Variants in GALNTL6 observed in about 807,000 individuals in gnomAD.
GALNTL6 encodes polypeptide N-acetylgalactosaminyltransferase-like 6.
In GALNTL6, 46 loss-of-function variants were observed where a neutral mutation model predicts 73.7. That is an observed-to-expected ratio of 0.62 (90% CI 0.49 to 0.80). The LOEUF (loss-of-function observed/expected upper bound fraction) is 0.80. Among genes scored for constraint, GALNTL6 ranks in the 30% least tolerant of loss-of-function variants. GALNTL6 has a pLI of 0.00. For missense variants in GALNTL6, 604 were observed against 755.0 expected, an observed-to-expected ratio of 0.80 and a Z score of 2.34; for synonymous variants, 259 against 263.7, an observed-to-expected ratio of 0.98 and a Z score of 0.17.
chr4:172,249,210 A>G (rs978552450), intron 3 of GALNTL6, among the ~76,000 whole-genome samples: 14 of 152,180 alleles, frequency 9.2e-5, no homozygotes, highest in African/African-American at 3.1e-4. Flanking sequence ...GAGATGAGGA[A>G]CTTGTCAGGA....
chr4:172,405,774 A>T (rs1275815698), intron 5 of GALNTL6, among the ~76,000 whole-genome samples: 2 of 151,586 alleles, frequency 1.3e-5, no homozygotes, highest in Non-Finnish European at 2.9e-5. Context: ...ATTTTTTTTC[A>T]TCACAAAGTT....
At chr4:173,028,983 G>C (rs1753343991) in intron 12 of GALNTL6, among the ~76,000 whole-genome samples, 1 of 152,148 alleles carries the variant, frequency 6.6e-6, no homozygotes, top group African/African-American at 2.4e-5. Context: ...TTGACTATTT[G>C]TTGTTAACTT....
chr4:172,234,669 CT>C (rs1043213876), intron 3 of GALNTL6, among the ~76,000 whole-genome samples: 11 of 152,048 alleles, frequency 7.2e-5, no homozygotes, highest in African/African-American at 2.6e-4. Context: ...CTAAATCTTC[CT>C]TTTTTTAATA....
chr4:173,024,801 A>T (rs778802500), intron 12 of GALNTL6, among the ~76,000 whole-genome samples: 2 of 151,868 alleles, frequency 1.3e-5, no homozygotes, highest in African/African-American at 2.4e-5. Flanking sequence ...CTGGTCTCGA[A>T]CTCCTGACCT....
At chr4:173,019,767 T>C in intron 11 of GALNTL6, among the ~76,000 whole-genome samples, 1 of 152,252 alleles carries the variant, frequency 6.6e-6, no homozygotes, top group East Asian at 1.9e-4. Context: ...AAGGTCGCTG[T>C]TCACATGCTC....
At chr4:171,934,351 TA>T (rs1738277757) in intron 2 of GALNTL6, among the ~76,000 whole-genome samples, 1 of 152,208 alleles carries the variant, frequency 6.6e-6, no homozygotes, top group Non-Finnish European at 1.5e-5. Flanking sequence ...CTCTTTTTGG[TA>T]AAACCAGGAA....
chr4:172,315,644 A>G (rs928499329), intron 4 of GALNTL6, among the ~76,000 whole-genome samples: 1 of 152,238 alleles, frequency 6.6e-6, no homozygotes, highest in Admixed American at 6.5e-5. Context: ...GTCTGTATCC[A>G]TAGTGCCTGT....
intron 5 of GALNTL6, among the ~76,000 whole-genome samples, chr4:172,523,833 T>C (rs1734863672): frequency 6.6e-6 from 1 of 152,170 alleles, no homozygotes; most frequent in African/African-American, 2.4e-5. Context: ...AAAAAAATTG[T>C]CATTGCAATG....
intron 5 of GALNTL6, among the ~76,000 whole-genome samples, chr4:172,415,863 T>G (rs1730811697): frequency 6.6e-6 from 1 of 152,142 alleles, no homozygotes; most frequent in Non-Finnish European, 1.5e-5. Context: ...ACAACGCTTT[T>G]CCATGCAATG....
intron 5 of GALNTL6, among the ~76,000 whole-genome samples, chr4:172,379,536 CAAAAAAA>C (rs71592073): frequency 9.2e-5 from 7 of 75,714 alleles, no homozygotes; most frequent in Non-Finnish European, 2.3e-5. Context: ...GACTCCGTCT[CAAAAAAA>C]AAAAAAAAAA....
At chr4:172,692,568 T>C (rs1232237300) in intron 5 of GALNTL6, among the ~76,000 whole-genome samples, 1 of 152,196 alleles carries the variant, frequency 6.6e-6, no homozygotes, top group East Asian at 1.9e-4. Context: ...TTGAATTTCT[T>C]GTGTTATAAG....
intron 5 of GALNTL6, among the ~76,000 whole-genome samples, chr4:172,586,395 A>G (rs1204014520): frequency 6.6e-6 from 1 of 152,146 alleles, no homozygotes; most frequent in Non-Finnish European, 1.5e-5. Context: ...ATTCAAGACT[A>G]AAATAGAAAA....
At chr4:171,824,743 TTTTGTTTCTA>T (rs1425877198) in intron 2 of GALNTL6, among the ~76,000 whole-genome samples, 1 of 152,228 alleles carries the variant, frequency 6.6e-6, no homozygotes, top group Non-Finnish European at 1.5e-5. Flanking sequence ...TATTTTTATT[TTTTGTTTCTA>T]GATCCATCAA....
At chr4:172,464,974 T>C (rs1732754446) in intron 5 of GALNTL6, among the ~76,000 whole-genome samples, 2 of 152,138 alleles carry the variant, frequency 1.3e-5, no homozygotes, top group South Asian at 2.1e-4. Flanking sequence ...CAAGGAGGCA[T>C]AGACTTGGAA....
intron 10 of GALNTL6, among the ~76,000 whole-genome samples, chr4:172,982,737 AAAGAT>A (rs1007376023): frequency 4.6e-5 from 7 of 152,336 alleles, no homozygotes; most frequent in African/African-American, 1.2e-4. Context: ...CTGGAAAAAA[AAAGAT>A]AAGATATTTT....
At chr4:172,337,010 C>A (rs1741353919) in intron 4 of GALNTL6, among the ~76,000 whole-genome samples, 1 of 152,172 alleles carries the variant, frequency 6.6e-6, no homozygotes, top group Non-Finnish European at 1.5e-5. Flanking sequence ...GCCCTATCAT[C>A]ATTATATAAT....
intron 7 of GALNTL6, among the ~76,000 whole-genome samples, chr4:172,872,277 A>AT (rs1202621464): frequency 6.6e-6 from 1 of 152,106 alleles, no homozygotes; most frequent in Admixed American, 6.6e-5. Flanking sequence ...GGAGAAACTA[A>AT]TTTTTTTCCT....
intron 11 of GALNTL6, among the ~76,000 whole-genome samples, chr4:173,012,874 G>A (rs1267206897): frequency 6.6e-6 from 1 of 152,118 alleles, no homozygotes; most frequent in African/African-American, 2.4e-5. Flanking sequence ...ACGGTGACTC[G>A]CGCCTATAAT....
chr4:172,487,724 G>A (rs1379057871), intron 5 of GALNTL6, among the ~76,000 whole-genome samples: 4 of 152,014 alleles, frequency 2.6e-5, no homozygotes, highest in African/African-American at 9.7e-5. Flanking sequence ...CCTACTTTGT[G>A]GCAGTTCATT....
Sources: gnomAD v4.1 joint callset for allele counts (sites outside exome capture counted in the v4.1 genomes callset) on GRCh38, gnomAD v4.1.1 for gene constraint, MANE v1.5 for transcripts, NCBI Gene and HGNC (gene_info 2026-07-23, HGNC 2026-07-21) for gene names.